C1QTNF3: variants seen among roughly 807,000 people sequenced by gnomAD.
The protein encoded by C1QTNF3 is complement C1q tumor necrosis factor-related protein 3.
In C1QTNF3, 26 loss-of-function variants were observed where a neutral mutation model predicts 32.6. That is an observed-to-expected ratio of 0.80 (90% CI 0.58 to 1.11). The LOEUF (loss-of-function observed/expected upper bound fraction) is 1.11, where lower values mean the gene tolerates loss of function less well. C1QTNF3 is among the 50% of genes least tolerant of loss of function. C1QTNF3 has a pLI of 0.00. For missense variants in C1QTNF3, 362 were observed against 398.2 expected (o/e 0.91, Z 0.77); for synonymous variants, 155 against 146.0 (o/e 1.06, Z -0.44).
chr5:34,202,238 A>G, the C1QTNF3 span, among the ~76,000 whole-genome samples: 1 of 151,850 alleles, frequency 6.6e-6, no homozygotes, highest in Non-Finnish European at 1.5e-5. Context: ...CCAACAGTCT[A>G]CCACACACCT....
At chr5:34,114,015 C>T in the C1QTNF3 span, among the ~76,000 whole-genome samples, 77,866 of 151,968 alleles carry the variant, frequency 0.51, 22,051 homozygotes, top group Non-Finnish European at 0.63. Flanking sequence ...ATTTTCAGGG[C>T]CATTGAAAAA....
At chr5:34,213,600 GAATT>G in the C1QTNF3 span, among the ~76,000 whole-genome samples, 11 of 149,540 alleles carry the variant, frequency 7.4e-5, no homozygotes, top group African/African-American at 2.5e-4. Flanking sequence ...AGATGCATTA[GAATT>G]AATTAGAATC....
chr5:34,126,755 C>G, the C1QTNF3 span, among the ~76,000 whole-genome samples: 60 of 151,618 alleles, frequency 4.0e-4, no homozygotes, highest in African/African-American at 1.5e-3. Flanking sequence ...GAATATTATT[C>G]AGCATTAAGA....
At chr5:34,135,482 T>C in the C1QTNF3 span, among the ~76,000 whole-genome samples, 1 of 152,116 alleles carries the variant, frequency 6.6e-6, no homozygotes, top group South Asian at 2.1e-4. Context: ...TGGAATAGTT[T>C]CAGAAGGAAT....
At chr5:34,032,691 G>A (rs1455163065) in intron 3 of C1QTNF3, among the ~76,000 whole-genome samples, 1 of 152,164 alleles carries the variant, frequency 6.6e-6, no homozygotes, top group Non-Finnish European at 1.5e-5. Flanking sequence ...CAGCTATAGG[G>A]AGGCTGAGGC....
At chr5:34,055,441 C>T in the C1QTNF3 span, among the ~76,000 whole-genome samples, 1 of 152,204 alleles carries the variant, frequency 6.6e-6, no homozygotes, top group Non-Finnish European at 1.5e-5. Context: ...ATGACAACAG[C>T]CAATCAGCAC....
the C1QTNF3 span, among the ~76,000 whole-genome samples, chr5:34,102,888 G>A: frequency 1.3e-5 from 2 of 152,194 alleles, no homozygotes; most frequent in South Asian, 2.1e-4. Context: ...TGTAAATGAC[G>A]GGTTAATGGG....
chr5:34,223,430 T>C, the C1QTNF3 span, among the ~76,000 whole-genome samples: 2 of 147,418 alleles, frequency 1.4e-5, no homozygotes, highest in Non-Finnish European at 3.0e-5. Flanking sequence ...TGTTGGACAT[T>C]TGGGTTGGTT....
chr5:34,209,489 A>T, the C1QTNF3 span, among the ~76,000 whole-genome samples: 2 of 151,056 alleles, frequency 1.3e-5, no homozygotes, highest in African/African-American at 2.4e-5. Context: ...AATATTGTTG[A>T]AAATATTCTA....
chr5:34,065,281 A>G, the C1QTNF3 span, among the ~76,000 whole-genome samples: 1 of 152,222 alleles, frequency 6.6e-6, no homozygotes, highest in Non-Finnish European at 1.5e-5. Context: ...GCCAACAAAC[A>G]TGAAAAAATG....
chr5:34,207,407 T>C, the C1QTNF3 span, among the ~76,000 whole-genome samples: 1 of 152,046 alleles, frequency 6.6e-6, no homozygotes, highest in African/African-American at 2.4e-5. Flanking sequence ...CCATTTGATT[T>C]TCCATCAGGT....
chr5:34,078,931 G>A, the C1QTNF3 span, among the ~76,000 whole-genome samples: 4 of 151,340 alleles, frequency 2.6e-5, no homozygotes, highest in Non-Finnish European at 4.4e-5. The surrounding 1 kb of genome is among the most constrained non-coding windows in gnomAD (Gnocchi z 4.0). Context: ...ATCTCCTTCT[G>A]CCCCAAATAG....
the C1QTNF3 span, chr5:34,124,234 A>C: frequency 2.1e-6 from 1 of 480,352 alleles, no homozygotes; most frequent in Admixed American, 3.7e-5. Context: ...AGATGGCTAG[A>C]TCCCTGGAAA....
At chr5:34,163,085 G>A in the C1QTNF3 span, among the ~76,000 whole-genome samples, 2 of 152,106 alleles carry the variant, frequency 1.3e-5, no homozygotes, top group Non-Finnish European at 1.5e-5. Flanking sequence ...TATAACTTCT[G>A]TACAAATTAC....
chr5:34,141,983 G>A, the C1QTNF3 span, among the ~76,000 whole-genome samples: 3 of 152,170 alleles, frequency 2.0e-5, no homozygotes, highest in South Asian at 6.2e-4. Flanking sequence ...ACTCAAGCAG[G>A]GGAGGAGCCT....
At chr5:34,063,923 A>T in the C1QTNF3 span, among the ~76,000 whole-genome samples, 1 of 152,170 alleles carries the variant, frequency 6.6e-6, no homozygotes, top group South Asian at 2.1e-4. Flanking sequence ...GAAAGGTAGG[A>T]GCGCATGCAT....
At chr5:34,071,514 G>A in the C1QTNF3 span, among the ~76,000 whole-genome samples, 3 of 151,456 alleles carry the variant, frequency 2.0e-5, no homozygotes, top group Admixed American at 6.6e-5. Context: ...CTATTATATC[G>A]CTGTTGAGAG....
chr5:34,050,058 A>G, the C1QTNF3 span, among the ~76,000 whole-genome samples: 5 of 152,252 alleles, frequency 3.3e-5, no homozygotes, highest in Non-Finnish European at 7.3e-5. Flanking sequence ...AGAACATTTG[A>G]TAATCATGAA....
At chr5:34,243,617 T>C in the C1QTNF3 span, among the ~76,000 whole-genome samples, 1 of 152,178 alleles carries the variant, frequency 6.6e-6, no homozygotes, top group Non-Finnish European at 1.5e-5. Flanking sequence ...ATATACACTA[T>C]GGAATACTAT....
Sources: allele counts gnomAD v4.1 joint callset (sites outside exome capture counted in the v4.1 genomes callset), GRCh38; gene constraint gnomAD v4.1.1; non-coding constraint Gnocchi (gnomAD v3.1); transcripts MANE v1.5; gene names NCBI Gene and HGNC (gene_info 2026-07-23, HGNC 2026-07-21).